The following PTPRD variants were observed in gnomAD, a reference collection of about 807,000 sequenced individuals.
PTPRD encodes receptor-type tyrosine-protein phosphatase delta.
PTPRD carries 34 observed loss-of-function variants against 214.5 expected under a neutral mutation model. The ratio of observed to expected loss-of-function variants is 0.16; its 90% confidence interval spans 0.12 to 0.21. PTPRD has a LOEUF of 0.21. Among genes scored for constraint, PTPRD ranks in the 10% least tolerant of loss-of-function variants. PTPRD has a pLI of 1.00. For missense variants in PTPRD, 2,545 were observed against 2,398.7 expected (o/e 1.06, Z -1.27); for synonymous variants, 1,128 against 845.7 (o/e 1.33, Z -5.79).
chr9:9,084,121 C>G (rs1009384729), intron 10 of PTPRD, among the ~76,000 whole-genome samples: 2 of 152,140 alleles, frequency 1.3e-5, no homozygotes, highest in Admixed American at 6.6e-5. Flanking sequence ...TATTGCAGCA[C>G]TATCACAATA....
chr9:8,346,019 T>C (rs1857273784), intron 39 of PTPRD, among the ~76,000 whole-genome samples: 1 of 152,058 alleles, frequency 6.6e-6, no homozygotes, highest in Non-Finnish European at 1.5e-5. Context: ...TGGAGATCTA[T>C]ATTTCAAACT....
chr9:9,479,821 A>G (rs979950201), intron 8 of PTPRD, among the ~76,000 whole-genome samples: 1 of 152,108 alleles, frequency 6.6e-6, no homozygotes, highest in South Asian at 2.1e-4. Context: ...AAAGCACTGG[A>G]GTTTTAAACA....
chr9:9,602,975 T>C (rs1045375942), intron 7 of PTPRD, among the ~76,000 whole-genome samples: 7 of 152,026 alleles, frequency 4.6e-5, no homozygotes, highest in African/African-American at 1.7e-4. Context: ...TGCTATATTT[T>C]GAAAGATTAG....
At chr9:9,080,599 C>A (rs1264330621) in intron 10 of PTPRD, among the ~76,000 whole-genome samples, 2 of 152,040 alleles carry the variant, frequency 1.3e-5, no homozygotes, top group African/African-American at 2.4e-5. Flanking sequence ...GTGACTCCTG[C>A]AGTCTGACTC....
intron 11 of PTPRD, among the ~76,000 whole-genome samples, chr9:8,938,013 T>C (rs1249471621): frequency 6.6e-6 from 1 of 152,098 alleles, no homozygotes. Flanking sequence ...ATAGACCTAG[T>C]TTTATATGGT....
intron 11 of PTPRD, among the ~76,000 whole-genome samples, chr9:8,968,151 TCATTGTTGGA>T (rs2099211298): frequency 6.6e-6 from 1 of 152,154 alleles, no homozygotes; most frequent in Admixed American, 6.5e-5. Context: ...ATCCAGTCTA[TCATTGTTGGA>T]CATTTGGGTT....
chr9:9,096,132 G>A (rs2099783142), intron 10 of PTPRD, among the ~76,000 whole-genome samples: 1 of 152,190 alleles, frequency 6.6e-6, no homozygotes, highest in Non-Finnish European at 1.5e-5. Flanking sequence ...TATGTAGGAT[G>A]ACCAAGTCTA....
At chr9:8,957,133 G>T (rs1018103582) in intron 11 of PTPRD, among the ~76,000 whole-genome samples, 1 of 151,848 alleles carries the variant, frequency 6.6e-6, no homozygotes, top group African/African-American at 2.4e-5. Context: ...TATGACAATA[G>T]ATGAATCTTG....
chr9:9,156,094 GT>G (rs1225572614), intron 10 of PTPRD, among the ~76,000 whole-genome samples: 2 of 152,052 alleles, frequency 1.3e-5, no homozygotes, highest in African/African-American at 4.8e-5. Flanking sequence ...CACAGTTCTT[GT>G]TTATTTAGGT....
At chr9:10,073,191 G>C (rs1278370159) in intron 3 of PTPRD, among the ~76,000 whole-genome samples, 1 of 151,738 alleles carries the variant, frequency 6.6e-6, no homozygotes, top group Admixed American at 6.6e-5. Context: ...TTTACCTTAT[G>C]ATACTGTAAT....
chr9:10,394,898 T>C (rs549947544), intron 2 of PTPRD, among the ~76,000 whole-genome samples: 2 of 151,820 alleles, frequency 1.3e-5, no homozygotes, highest in African/African-American at 2.4e-5. Flanking sequence ...TGCTGATGAA[T>C]GTGGATTTAA....
intron 4 of PTPRD, among the ~76,000 whole-genome samples, chr9:9,996,479 G>A (rs1279386257): frequency 6.6e-6 from 1 of 152,176 alleles, no homozygotes; most frequent in Non-Finnish European, 1.5e-5. Context: ...CTGGAATCAG[G>A]AAGACTTATG....
At chr9:9,372,365 TA>T in intron 9 of PTPRD, among the ~76,000 whole-genome samples, 1 of 152,204 alleles carries the variant, frequency 6.6e-6, no homozygotes, top group East Asian at 1.9e-4. Context: ...TACAATTATG[TA>T]ATGGCCTTCT....
chr9:8,440,301 G>C (rs976926242), intron 34 of PTPRD, among the ~76,000 whole-genome samples: 1 of 147,264 alleles, frequency 6.8e-6, no homozygotes, highest in Non-Finnish European at 1.5e-5. Flanking sequence ...AGCTACAAAT[G>C]TACAATAGAA....
chr9:9,695,425 C>T (rs1243565835), intron 7 of PTPRD, among the ~76,000 whole-genome samples: 1 of 152,184 alleles, frequency 6.6e-6, no homozygotes, highest in Non-Finnish European at 1.5e-5. Flanking sequence ...ATTGTGCAAA[C>T]CCTCTCTTAG....
intron 10 of PTPRD, among the ~76,000 whole-genome samples, chr9:9,042,536 G>C (rs1307827278): frequency 6.6e-6 from 1 of 151,792 alleles, no homozygotes; most frequent in Non-Finnish European, 1.5e-5. Flanking sequence ...GCAGGTGCCA[G>C]ATGAGAAATT....
intron 3 of PTPRD, among the ~76,000 whole-genome samples, chr9:10,135,231 T>C (rs986943156): frequency 6.6e-6 from 1 of 152,114 alleles, no homozygotes; most frequent in South Asian, 2.1e-4. Flanking sequence ...GGATTATGTA[T>C]AGAAATCAAA....
chr9:9,123,746 T>G (rs1200695146), intron 10 of PTPRD, among the ~76,000 whole-genome samples: 1 of 152,130 alleles, frequency 6.6e-6, no homozygotes, highest in Non-Finnish European at 1.5e-5. Context: ...ATTTCCAGAA[T>G]GAAAGGAAGA....
chr9:10,228,099 A>T (rs541506509), intron 3 of PTPRD, among the ~76,000 whole-genome samples: 1 of 151,994 alleles, frequency 6.6e-6, no homozygotes, highest in South Asian at 2.1e-4. Context: ...AAATTTAGCT[A>T]CTTAAAACTT....
Sources: gnomAD v4.1 joint callset for allele counts (sites outside exome capture counted in the v4.1 genomes callset) on GRCh38, gnomAD v4.1.1 for gene constraint, MANE v1.5 for transcripts, NCBI Gene and HGNC (gene_info 2026-07-23, HGNC 2026-07-21) for gene names.